Variants in ALDH16A1 observed in about 807,000 individuals in gnomAD.
The protein encoded by ALDH16A1 is aldehyde dehydrogenase 16 family member A1.
A neutral mutation model predicts 96.1 loss-of-function variants in ALDH16A1; 88 were observed. The observed-to-expected ratio is 0.92, with a 90% CI of 0.77 to 1.09. ALDH16A1 has a LOEUF of 1.09. ALDH16A1 is among the 50% of genes least tolerant of loss of function. The pLI is 0.00. For synonymous variants in ALDH16A1, 522 were observed against 496.4 expected (o/e 1.05, Z -0.69); for missense variants, 1,250 against 1,112.6 (o/e 1.12, Z -1.76).
intron 1 of ALDH16A1, 74 bp downstream of exon 1, chr19:49,453,495 C>A: frequency 1.5e-6 from 2 of 1,348,452 alleles, no homozygotes; most frequent in South Asian, 2.6e-5. Context: ...CGGGGAGTCC[C>A]GTCATCCACT....
intron 8 of ALDH16A1, 129 bp downstream of exon 8, chr19:49,462,884 G>C: frequency 1.5e-6 from 1 of 648,496 alleles, no homozygotes; most frequent in Non-Finnish European, 2.5e-6. Context: ...TGGGAGCCTG[G>C]ACTCCTGGGT....
rs183979749 is a variant in ALDH16A1 at position 49,463,801 on chromosome 19, G to A, written c.1099-53G>A. On this transcript the variant is annotated intron_variant, in intron 8 of 16. Transcript: ENST00000293350. ...GAGGGGCTGGGGTCCTGCAGTCCTCGGTCTCAGCAGGAAGGGACCAGAAGT... is the reference window on the plus strand; with the variant it reads ...GAGGGGCTGGGGTCCTGCAGTCCTCAGTCTCAGCAGGAAGGGACCAGAAGT... 13,072 of 1,551,164 alleles carry A rather than the reference G, an allele frequency of 8.4e-3. 95 individuals are homozygous for A. Among genetic ancestry groups the A allele is most frequent in the Non-Finnish European group, 0.01 (11,695 of 1,133,878 alleles).
At chr19:49,464,393 T>A in intron 10 of ALDH16A1, 24 bp from the exon 11 acceptor site, 2 of 1,583,136 alleles carry the variant, frequency 1.3e-6, no homozygotes, top group African/African-American at 2.7e-5. Flanking sequence ...TTTCCTCTGT[T>A]GGACACCTTC....
rs1011399962 is a variant in ALDH16A1, at chr19:49,468,741, T to G, written c.2125-123T>G. Reference sequence around the variant, plus strand: ...GGGACCCAGTGCCCATTCTTCACCCTAGGCCTGGGGCTTTCTCCTCCATGA... The same window carrying G: ...GGGACCCAGTGCCCATTCTTCACCCGAGGCCTGGGGCTTTCTCCTCCATGA... On this transcript the variant is annotated intron_variant, in intron 15 of 16. Coordinates refer to ENST00000293350, the MANE Select transcript of ALDH16A1 (RefSeq NM_153329.4). The surrounding 1 kb of genome is among the most constrained non-coding windows in gnomAD (Gnocchi z 4.4). 1.4e-6 allele frequency: 2 copies of G among 1,392,128 alleles called. No individual in the cohort carries two copies. The highest frequency in any genetic ancestry group is 1.4e-5 in the African/African-American group (1 of 70,244). The allele number at this position is 1,392,128 out of a possible 1,614,324, so 86.2% of individuals were successfully genotyped here.
At chr19:49,463,122 G>T (rs1009032697) in intron 8 of ALDH16A1, among the ~76,000 whole-genome samples, 1 of 39,134 alleles carries the variant, frequency 2.6e-5, no homozygotes, top group Non-Finnish European at 5.4e-5. Context: ...AGGGAGGAGG[G>T]GCTGGGGGTC....
intron 16 of ALDH16A1, 72 bp downstream of exon 16, chr19:49,469,058 A>G (rs2079223722): frequency 3.3e-6 from 5 of 1,537,536 alleles, no homozygotes; most frequent in Non-Finnish European, 3.5e-6. Context: ...CTGGAAACAC[A>G]GCCCCGCCCT....
Position 49,468,840 on chromosome 19 carries a change from C to G in ALDH16A1, c.2125-24C>G. 6.2e-7 allele frequency: 1 copy of G among 1,607,148 alleles called. No individual in the cohort carries two copies. The highest frequency in any genetic ancestry group is 8.5e-7 in the Non-Finnish European group (1 of 1,175,978). On this transcript the variant is annotated intron_variant, in intron 15 of 16. Coordinates refer to ENST00000293350, the MANE Select transcript of ALDH16A1 (RefSeq NM_153329.4). This position sits in a 1 kb window ranked among gnomAD's most constrained non-coding sequence, Gnocchi z 4.4. ...TGCCCTGCCCCCACGGCCTCCCCAA[C>G]CTTTCACTCTCTCTATCCCCTAGGA...
rs1416853891 is a variant in ALDH16A1 at position 49,462,815 on chromosome 19, C to T, written c.1098+60C>T. The T allele has an allele frequency of 6.9e-6, 10 of 1,458,810 alleles. No homozygotes were observed. The East Asian group carries it at 1.5e-4, about 22-fold the overall frequency. The allele number at this position is 1,458,810 out of a possible 1,614,324, so 90.4% of individuals were successfully genotyped here. ...GGAGGAGGGGCCTGGAGACCCAGCT[C>T]CTGGGTCCAAGGGAGGAGGGAGCTG... On this transcript the variant is annotated intron_variant, in intron 8 of 16. Transcript: ENST00000293350.
chr19:49,462,738 C>T lies in ALDH16A1; in HGVS notation c.1081C>T (p.Gln361Ter), dbSNP rs2079161906. 5 of 1,596,574 alleles carry T rather than the reference C, an allele frequency of 3.1e-6. No individual in the cohort carries two copies. The East Asian group carries it at 1.1e-4, about 36-fold the overall frequency. ...DLVQRFVREA[Q>*]SQGAQVFQAG... ...GGTCCAGCGCTTTGTGCGTGAGGCC[C>T]AGAGCCAGGGTGCACAGGTGAGGCA... The change falls in exon 8 of 17, where the codon CAG (glutamine) becomes TAG (stop). Residue 361 changes from glutamine (Q) to a stop codon, truncating the protein, a stop_gained. Coordinates refer to ENST00000293350, the MANE Select transcript of ALDH16A1 (RefSeq NM_153329.4). LOFTEE classifies it high-confidence loss of function.
intron 14 of ALDH16A1, among the ~76,000 whole-genome samples, chr19:49,467,301 GT>G (rs1384219053): frequency 1.3e-5 from 2 of 152,082 alleles, no homozygotes; most frequent in Non-Finnish European, 2.9e-5. Context: ...GATTATAGGC[GT>G]GAGCCACTGC....
rs370685834 is a variant in ALDH16A1, at chr19:49,462,674, C to G, written c.1017C>G (p.Ala339=). The G allele has an allele frequency of 4.3e-6, 7 of 1,610,172 alleles. No homozygotes were observed. The highest frequency in any genetic ancestry group is 5.9e-6 in the Non-Finnish European group (7 of 1,179,308). The change falls in exon 8 of 17, where the codon GCC becomes GCG. Residue 339 remains alanine (A), a synonymous_variant. Coordinates refer to ENST00000293350, the MANE Select transcript of ALDH16A1 (RefSeq NM_153329.4). ...RLRSGRGLDG[A]VDMGARGAAA... ...GGAGTGGCCGAGGGCTGGATGGGGCCGTGGACATGGGGGCCCGGGGGGCTG... is the reference window on the plus strand; with the variant it reads ...GGAGTGGCCGAGGGCTGGATGGGGCGGTGGACATGGGGGCCCGGGGGGCTG...
chr19:49,460,714 A>AC (rs2079134479), intron 4 of ALDH16A1, 108 bp from the exon 5 acceptor site: 1 of 624,026 alleles, frequency 1.6e-6, no homozygotes, highest in Non-Finnish European at 2.6e-6. Context: ...ACACCCGGCC[A>AC]TTTTTTTTTT....
rs976956485 is a variant in ALDH16A1 at position 49,468,143 on chromosome 19, G to C, written c.1939-238G>C. 1.2e-5 allele frequency: 6 copies of C among 481,108 alleles called. No individual in the cohort carries two copies. The African/African-American group carries it at 1.3e-4, about 10-fold the overall frequency. The allele number at this position is 481,108 out of a possible 1,614,324, so 29.8% of individuals were successfully genotyped here. A position where few individuals can be genotyped will look rare whatever the true frequency, so the allele number is the denominator to read the frequency against. On this transcript the variant is annotated intron_variant, in intron 14 of 16. Coordinates refer to ENST00000293350, the MANE Select transcript of ALDH16A1 (RefSeq NM_153329.4). This position sits in a 1 kb window ranked among gnomAD's most constrained non-coding sequence, Gnocchi z 4.4. ...CCACTGCACTCTAGCCAGGGCGACAGAGTGAGAGTCCGTCTCAAAAAAAAA... is the reference window on the plus strand; with the variant it reads ...CCACTGCACTCTAGCCAGGGCGACACAGTGAGAGTCCGTCTCAAAAAAAAA...
intron 5 of ALDH16A1, 25 bp from the exon 6 acceptor site, chr19:49,461,594 C>G: frequency 6.6e-7 from 1 of 1,515,044 alleles, no homozygotes; most frequent in Non-Finnish European, 8.8e-7. Context: ...GACTCCTGGG[C>G]CTTTGAGCTG....
At chr19:49,455,706 G>A (rs150110197) in intron 1 of ALDH16A1, among the ~76,000 whole-genome samples, 2 of 152,148 alleles carry the variant, frequency 1.3e-5, no homozygotes, top group East Asian at 3.9e-4. Flanking sequence ...GACCAGCCTG[G>A]GCAACATGGT....
intron 1 of ALDH16A1, among the ~76,000 whole-genome samples, chr19:49,457,654 G>A (rs546609357): frequency 2.6e-5 from 4 of 151,730 alleles, no homozygotes; most frequent in South Asian, 2.1e-4. Context: ...CTGTTACTCA[G>A]GCTGGAGTGC....
At chr19:49,458,386 C>T in intron 1 of ALDH16A1, 100 bp from the exon 2 acceptor site, 1 of 855,520 alleles carries the variant, frequency 1.2e-6, no homozygotes, top group Non-Finnish European at 1.9e-6. Context: ...GCTGATGGGG[C>T]AGAGGGAGAC....
chr19:49,461,433 G>GA (rs1473701097), intron 5 of ALDH16A1, among the ~76,000 whole-genome samples, 186 bp from the exon 6 acceptor site: 110 of 54,074 alleles, frequency 2.0e-3, no homozygotes, highest in Non-Finnish European at 3.0e-3. Context: ...GGAGGGGCTG[G>GA]GCCTGGACTC....
At chr19:49,457,181 CT>C (rs1355163976) in intron 1 of ALDH16A1, among the ~76,000 whole-genome samples, 1 of 151,298 alleles carries the variant, frequency 6.6e-6, no homozygotes, top group Non-Finnish European at 1.5e-5. Flanking sequence ...CTAGGGGAGT[CT>C]GTAGAAGGAG....
Sources: allele counts gnomAD v4.1 joint callset (sites outside exome capture counted in the v4.1 genomes callset), GRCh38; gene constraint gnomAD v4.1.1; non-coding constraint Gnocchi (gnomAD v3.1); transcripts MANE v1.5; gene names NCBI Gene and HGNC (gene_info 2026-07-23, HGNC 2026-07-21).